Variants in TRPM3 observed in about 807,000 individuals in gnomAD.
The protein encoded by TRPM3 is long transient receptor potential channel 3.
In TRPM3, 77 loss-of-function variants were observed where a neutral mutation model predicts 181.2. The ratio of observed to expected loss-of-function variants is 0.42; its 90% CI spans 0.35 to 0.51. The LOEUF is 0.51. TRPM3 is among the 20% of genes least tolerant of loss of function. The pLI is 0.01. For missense variants in TRPM3, 1,759 were observed against 2,196.7 expected (o/e 0.80, Z 3.98); for synonymous variants, 745 against 796.4 (o/e 0.94, Z 1.09).
intron 8 of TRPM3, among the ~76,000 whole-genome samples, chr9:70,747,177 G>C (rs1010489433): frequency 6.6e-6 from 1 of 152,164 alleles, no homozygotes; most frequent in African/African-American, 2.4e-5. Context: ...ATAGAATAAT[G>C]AATCAGACAG....
intron 1 of TRPM3, among the ~76,000 whole-genome samples, chr9:70,999,194 A>G (rs1435851567): frequency 1.3e-5 from 2 of 152,200 alleles, no homozygotes; most frequent in Admixed American, 1.3e-4. Flanking sequence ...GCCTCACTAG[A>G]AAAGAAAGAA....
chr9:71,259,430 T>G (rs2082890083), intron 1 of TRPM3, among the ~76,000 whole-genome samples: 1 of 152,154 alleles, frequency 6.6e-6, no homozygotes, highest in Admixed American at 6.5e-5. Context: ...CTGGGTCAAG[T>G]GGTATTTCTG....
At position 71,168,581 on chromosome 9, in the gene TRPM3, T is replaced by A. The variant is rs553509774; in HGVS notation, c.183+278072A>T. Among the ~76,000 whole-genome samples the A allele has an allele frequency of 2.2e-3, 179 of 80,818 alleles. 4 individuals are homozygous for A. Among genetic ancestry groups the A allele is most frequent in the African/African-American group, 9.3e-3 (169 of 18,112 alleles). The allele number at this position is 80,818 out of a possible 152,430, so 53.0% of individuals were successfully genotyped here. ...ATTTATTTATTTATTTATTTTTGTT[T>A]TTTATTTTTTTATTTTTATTTTTAT... On this transcript the variant is annotated intron_variant, in intron 1 of 24. Transcript: ENST00000357533.
chr9:70,832,075 A>G (rs2093970896), intron 5 of TRPM3, among the ~76,000 whole-genome samples: 2 of 131,126 alleles, frequency 1.5e-5, no homozygotes, highest in African/African-American at 5.8e-5. Context: ...TCTCACTCAT[A>G]GGTGGGAATT....
At chr9:70,774,143 T>G (rs1356518243) in intron 7 of TRPM3, 1 of 152,144 alleles carries the variant, frequency 6.6e-6, no homozygotes, top group Non-Finnish European at 1.5e-5. Context: ...AAACTACAGT[T>G]TACCCTTGAA....
intron 1 of TRPM3, among the ~76,000 whole-genome samples, chr9:71,049,888 C>T (rs1262524178): frequency 6.6e-6 from 1 of 152,164 alleles, no homozygotes; most frequent in Non-Finnish European, 1.5e-5. Context: ...GACCCACAAG[C>T]TAATAATAAC....
rs1398856438 is a variant in TRPM3, at chr9:70,610,600, T to C, written c.2667+9A>G. Reference sequence around the variant, plus strand: ...ATCCACTAGGAAGGAGAAAAGGAAATGTGCTTACTGTGTAGAACCAGAACT... The same window carrying C: ...ATCCACTAGGAAGGAGAAAAGGAAACGTGCTTACTGTGTAGAACCAGAACT... On this transcript the variant is annotated intron_variant, in intron 19 of 25. Coordinates refer to ENST00000677713, the MANE Select transcript of TRPM3 (RefSeq NM_001366145.2). 5.0e-6 allele frequency: 8 copies of C among 1,611,562 alleles called. No homozygotes were observed. The highest frequency in any genetic ancestry group is 1.1e-5 in the South Asian group (1 of 90,740).
At chr9:70,881,242 T>G (rs897649634) in intron 1 of TRPM3, among the ~76,000 whole-genome samples, 1 of 152,134 alleles carries the variant, frequency 6.6e-6, no homozygotes, top group African/African-American at 2.4e-5. Context: ...GACTAAAATA[T>G]TCTTTAAACT....
intron 1 of TRPM3, among the ~76,000 whole-genome samples, chr9:71,091,158 C>T (rs1042691442): frequency 1.3e-5 from 2 of 152,162 alleles, no homozygotes; most frequent in African/African-American, 2.4e-5. Context: ...GCTTACCATT[C>T]TCTTACAGAC....
intron 8 of TRPM3, among the ~76,000 whole-genome samples, chr9:70,696,352 C>T (rs908659039): frequency 5.9e-5 from 9 of 152,290 alleles, no homozygotes; most frequent in Admixed American, 2.6e-4. Flanking sequence ...ATTTCCCATC[C>T]GGAGACCGAT....
intron 1 of TRPM3, among the ~76,000 whole-genome samples, chr9:71,218,533 C>A (rs2080042325): frequency 6.6e-6 from 1 of 152,174 alleles, no homozygotes; most frequent in African/African-American, 2.4e-5. Flanking sequence ...GCCAAGGAAT[C>A]TCACCAAGAG....
At chr9:71,389,428 T>A (rs1258305796) in intron 1 of TRPM3, among the ~76,000 whole-genome samples, 9 of 152,182 alleles carry the variant, frequency 5.9e-5, no homozygotes, top group Admixed American at 2.6e-4. Context: ...GTGTGGAGAT[T>A]CCCTAAAGAA....
chr9:70,791,895 A>AT (rs1246148330), intron 6 of TRPM3, among the ~76,000 whole-genome samples: 12 of 152,082 alleles, frequency 7.9e-5, no homozygotes, highest in Admixed American at 6.6e-4. Flanking sequence ...TTTCACAGCA[A>AT]TCCTGTATTA....
intron 1 of TRPM3, among the ~76,000 whole-genome samples, chr9:71,256,307 C>A (rs764150134): frequency 5.3e-5 from 8 of 152,142 alleles, no homozygotes; most frequent in Non-Finnish European, 1.0e-4. Flanking sequence ...CTTTCTTGCA[C>A]TGCCCCTCTC....
At chr9:70,810,590 T>C (rs927048068) in intron 6 of TRPM3, among the ~76,000 whole-genome samples, 2 of 152,110 alleles carry the variant, frequency 1.3e-5, no homozygotes, top group Admixed American at 1.3e-4. Flanking sequence ...GCTCAACCTA[T>C]ATTTGGCACA....
rs2041087439 is a variant in TRPM3 at position 70,532,912 on chromosome 9, T to C, written c.*3041A>G. On this transcript the variant is annotated 3_prime_UTR_variant, in exon 26 of 26. Transcript: ENST00000677713. ...GGCCACAGAATCAATGCCACATTGC[T>C]GCACAGAGAACCCAGAAATGGAAGG... 6.6e-6 allele frequency: 1 copy of C among 152,194 alleles called. No individual in the cohort carries two copies. The highest frequency in any genetic ancestry group is 6.5e-5 in the Admixed American group (1 of 15,284). 9.4% of individuals were successfully genotyped at this position (152,194 alleles called of 1,614,324 possible). A position where few individuals can be genotyped will look rare whatever the true frequency, so the allele number is the denominator to read the frequency against.
chr9:70,785,901 G>T (rs1200522121), intron 6 of TRPM3, among the ~76,000 whole-genome samples: 2 of 152,186 alleles, frequency 1.3e-5, no homozygotes, highest in East Asian at 3.9e-4. Flanking sequence ...AAGATGCCAA[G>T]ATTTCTTTCA....
chr9:71,085,853 T>C (rs1461973408), intron 1 of TRPM3, among the ~76,000 whole-genome samples: 1 of 151,926 alleles, frequency 6.6e-6, no homozygotes, highest in Admixed American at 6.6e-5. Flanking sequence ...TGGTTATATA[T>C]CCAAAAGAAA....
At chr9:70,679,502 G>T (rs2064882227) in intron 9 of TRPM3, among the ~76,000 whole-genome samples, 1 of 152,120 alleles carries the variant, frequency 6.6e-6, no homozygotes, top group African/African-American at 2.4e-5. Flanking sequence ...TTCCCCATTT[G>T]CTGTGAGTTT....
Sources: gnomAD v4.1 joint callset for allele counts (sites outside exome capture counted in the v4.1 genomes callset) on GRCh38, gnomAD v4.1.1 for gene constraint, MANE v1.5 for transcripts, NCBI Gene and HGNC (gene_info 2026-07-23, HGNC 2026-07-21) for gene names.